The following MTUS1 variants were observed in gnomAD, a reference collection of about 807,000 sequenced individuals.
MTUS1 encodes the protein microtubule-associated tumor suppressor 1.
Under a neutral mutation model 120.8 loss-of-function variants are expected in MTUS1, and 109 were observed. That is an observed-to-expected ratio of 0.90 (90% confidence interval 0.77 to 1.06). MTUS1 has a LOEUF of 1.06. Ranked by LOEUF, MTUS1 falls within the 50% of genes least tolerant of loss-of-function variation. The pLI, the probability that MTUS1 is intolerant of heterozygous loss-of-function variation, is 0.00. For synonymous variants in MTUS1, 737 were observed against 550.5 expected (o/e 1.34, Z -4.74); for missense variants, 2,210 against 1,486.3 (o/e 1.49, Z -8.01).
At chr8:17,654,870 T>C in intron 9 of MTUS1, 3 of 577,236 alleles carry the variant, frequency 5.2e-6, no homozygotes, top group Non-Finnish European at 9.3e-6. Context: ...GGAGGATCAC[T>C]TGGAGCCCAG....
intron 3 of MTUS1, among the ~76,000 whole-genome samples, chr8:17,738,057 G>C (rs999809705): frequency 2.0e-5 from 3 of 152,336 alleles, no homozygotes; most frequent in East Asian, 1.9e-4. Context: ...GCAAGTCACT[G>C]CAAGTTTCGG....
chr8:17,704,405 A>T (rs993211208), intron 6 of MTUS1, among the ~76,000 whole-genome samples: 1 of 152,154 alleles, frequency 6.6e-6, no homozygotes, highest in African/African-American at 2.4e-5. Context: ...ATAGTTTCAG[A>T]TCTTATATTT....
intron 12 of MTUS1, among the ~76,000 whole-genome samples, chr8:17,650,809 C>G (rs1283899629): frequency 1.3e-5 from 2 of 152,206 alleles, no homozygotes; most frequent in East Asian, 3.8e-4. Context: ...CCACTCCTTG[C>G]TTTATTCGGA....
intron 13 of MTUS1, among the ~76,000 whole-genome samples, chr8:17,649,582 C>T (rs942905644): frequency 3.9e-5 from 6 of 152,156 alleles, no homozygotes; most frequent in African/African-American, 1.4e-4. Flanking sequence ...CAAAATACCA[C>T]TGAAATATAA....
At chr8:17,740,634 T>C (rs753304198) in intron 3 of MTUS1, among the ~76,000 whole-genome samples, 3 of 152,334 alleles carry the variant, frequency 2.0e-5, no homozygotes, top group East Asian at 1.9e-4. Flanking sequence ...CTGTAAAACA[T>C]AATACAGTAG....
At chr8:17,683,092 G>C (rs970499133) in intron 7 of MTUS1, among the ~76,000 whole-genome samples, 1 of 152,152 alleles carries the variant, frequency 6.6e-6, no homozygotes, top group Non-Finnish European at 1.5e-5. Context: ...CTAACACAGT[G>C]AAACCCCGTC....
intron 9 of MTUS1, chr8:17,655,154 G>A (rs1396594083): frequency 6.4e-6 from 1 of 156,056 alleles, no homozygotes; most frequent in Non-Finnish European, 1.4e-5. Flanking sequence ...CCTAGCATGT[G>A]CCTGGCCTGG....
At chr8:17,786,712 GAC>G (rs1412120835) in intron 1 of MTUS1, among the ~76,000 whole-genome samples, 1 of 152,178 alleles carries the variant, frequency 6.6e-6, no homozygotes, top group African/African-American at 2.4e-5. Flanking sequence ...GTAGTTGAGA[GAC>G]TGGCTGGGGC....
At chr8:17,652,261 C>T (rs1807168663) in intron 12 of MTUS1, among the ~76,000 whole-genome samples, 1 of 152,180 alleles carries the variant, frequency 6.6e-6, no homozygotes, top group Non-Finnish European at 1.5e-5. Flanking sequence ...GAGATTTGTA[C>T]TTTTCAGAAT....
chr8:17,694,556 T>A (rs1052950285), intron 6 of MTUS1, among the ~76,000 whole-genome samples: 30 of 152,040 alleles, frequency 2.0e-4, no homozygotes, highest in South Asian at 4.2e-4. Context: ...TAATCCCAGC[T>A]ACTCGGGAGG....
At chr8:17,763,103 G>A (rs1937096545) in intron 1 of MTUS1, among the ~76,000 whole-genome samples, 1 of 151,448 alleles carries the variant, frequency 6.6e-6, no homozygotes, top group Admixed American at 6.6e-5. Context: ...ACAATTCTCT[G>A]CCTCAGCCTC....
At chr8:17,660,923 G>A (rs1585479890) in intron 8 of MTUS1, among the ~76,000 whole-genome samples, 1 of 152,318 alleles carries the variant, frequency 6.6e-6, no homozygotes, top group African/African-American at 2.4e-5. Context: ...AAGACAGACG[G>A]AGGCCAGATT....
chr8:17,672,690 G>A (rs1217982389), intron 8 of MTUS1, among the ~76,000 whole-genome samples: 4 of 152,206 alleles, frequency 2.6e-5, no homozygotes, highest in African/African-American at 7.2e-5. Context: ...TGCAACAGCA[G>A]CAATGACACA....
At chr8:17,717,173 G>C (rs1041804301) in intron 4 of MTUS1, among the ~76,000 whole-genome samples, 1 of 152,112 alleles carries the variant, frequency 6.6e-6, no homozygotes, top group Non-Finnish European at 1.5e-5. Context: ...CATTGTTCTC[G>C]TGCCCAAATA....
At chr8:17,789,230 C>T (rs1021613913) in intron 1 of MTUS1, among the ~76,000 whole-genome samples, 5 of 152,252 alleles carry the variant, frequency 3.3e-5, no homozygotes, top group Non-Finnish European at 7.3e-5. Context: ...CAGGGTTTCT[C>T]CATTTGGTCA....
chr8:17,767,700 TAA>T (rs112048837), intron 1 of MTUS1, among the ~76,000 whole-genome samples: 15 of 87,840 alleles, frequency 1.7e-4, no homozygotes, highest in Non-Finnish European at 1.8e-4. Context: ...CCCTGTCTCT[TAA>T]AAAAAAAAAA....
At chr8:17,787,189 G>A (rs897143606) in intron 1 of MTUS1, among the ~76,000 whole-genome samples, 1 of 152,188 alleles carries the variant, frequency 6.6e-6, no homozygotes, top group Non-Finnish European at 1.5e-5. Flanking sequence ...AGCACAGTTT[G>A]TGAGGCCAGG....
At position 17,663,470 on chromosome 8, in the gene MTUS1, G is replaced by T. The variant is rs150116210; in HGVS notation, c.2906-7405C>A. Among the ~76,000 whole-genome samples the T allele has an allele frequency of 4.7e-4, 71 of 152,304 alleles. No individual in the cohort carries two copies. In the East Asian group the frequency reaches 0.013, roughly 27 times the overall value. On this transcript the variant is annotated intron_variant, in intron 8 of 14. Coordinates refer to ENST00000693296, the MANE Select transcript of MTUS1 (RefSeq NM_001363059.2). Reference sequence around the variant, plus strand: ...CGACCAAAAATATTTTAATGCTCAAGAACATAAATAAATGTCCTAATAGGA... The same window carrying T: ...CGACCAAAAATATTTTAATGCTCAATAACATAAATAAATGTCCTAATAGGA...
chr8:17,666,394 G>A (rs980610323), intron 8 of MTUS1, among the ~76,000 whole-genome samples: 3 of 151,998 alleles, frequency 2.0e-5, no homozygotes, highest in Admixed American at 1.3e-4. Context: ...AAAGTCCTTG[G>A]CATGTGTAAA....
Sources: gnomAD v4.1 joint callset for allele counts (sites outside exome capture counted in the v4.1 genomes callset) on GRCh38, gnomAD v4.1.1 for gene constraint, MANE v1.5 for transcripts, NCBI Gene and HGNC (gene_info 2026-07-23, HGNC 2026-07-21) for gene names.